The following APBB2 variants were observed in gnomAD, a reference collection of about 807,000 sequenced individuals.
The protein encoded by APBB2 is Fe65-like 1.
Under a neutral mutation model 82.5 loss-of-function variants are expected in APBB2, and 38 were observed. The observed-to-expected ratio is 0.46, with a 90% CI of 0.36 to 0.60. The LOEUF (loss-of-function observed/expected upper bound fraction) is 0.60. Ranked by LOEUF, APBB2 falls within the 20% of genes least tolerant of loss-of-function variation. The pLI is 0.00. For missense variants in APBB2, 772 were observed against 972.3 expected (o/e 0.79, Z 2.74); for synonymous variants, 341 against 368.2 (o/e 0.93, Z 0.85).
rs539954956 is a variant in APBB2 at position 41,111,955 on chromosome 4, A to G, written c.-260-11205T>C. ...AAACCAAATTAAGGGCAGATAGAAA[A>G]AAACCAGCAGGCACTACACTGGAGC... On this transcript the variant is annotated intron_variant, in intron 2 of 17. Coordinates refer to ENST00000508593, the MANE Select transcript of APBB2 (RefSeq NM_004307.2). Among the ~76,000 whole-genome samples, 46 of 152,342 alleles carry G rather than the reference A, an allele frequency of 3.0e-4. No homozygotes were observed. The East Asian group carries it at 7.5e-3, about 25-fold the overall frequency.
At chr4:41,161,328 C>T (rs971409728) in intron 1 of APBB2, among the ~76,000 whole-genome samples, 1 of 152,240 alleles carries the variant, frequency 6.6e-6, no homozygotes, top group East Asian at 1.9e-4. Flanking sequence ...AGCATTCAGC[C>T]GGGCATGGTG....
At chr4:40,863,106 T>A (rs1189384873) in intron 12 of APBB2, among the ~76,000 whole-genome samples, 1 of 152,196 alleles carries the variant, frequency 6.6e-6, no homozygotes, top group Non-Finnish European at 1.5e-5. Context: ...TCTTTCTGTG[T>A]CCCGCACTGC....
intron 4 of APBB2, among the ~76,000 whole-genome samples, chr4:41,055,704 G>C (rs1212976131): frequency 6.6e-6 from 1 of 152,116 alleles, no homozygotes; most frequent in East Asian, 1.9e-4. Flanking sequence ...GAAAGGCCTG[G>C]GTTCAAATCT....
chr4:41,046,386 G>C (rs969864114), intron 4 of APBB2, among the ~76,000 whole-genome samples: 15 of 151,646 alleles, frequency 9.9e-5, no homozygotes, highest in African/African-American at 3.6e-4. Context: ...ATGGAACAAA[G>C]ATAACATCTC....
intron 6 of APBB2, among the ~76,000 whole-genome samples, chr4:41,002,386 G>C (rs1410822838): frequency 6.6e-6 from 1 of 152,208 alleles, no homozygotes; most frequent in Admixed American, 6.5e-5. Context: ...GAAGGCAAGG[G>C]ACTGAGACTA....
intron 6 of APBB2, among the ~76,000 whole-genome samples, chr4:40,958,877 A>T (rs974861400): frequency 1.3e-5 from 2 of 152,174 alleles, no homozygotes; most frequent in East Asian, 3.8e-4. Context: ...AAGTGTTGGG[A>T]TTACAGGCGT....
At chr4:41,199,327 C>A (rs1447983582) in intron 1 of APBB2, among the ~76,000 whole-genome samples, 1 of 152,194 alleles carries the variant, frequency 6.6e-6, no homozygotes, top group Non-Finnish European at 1.5e-5. Flanking sequence ...TTCAAGGTTT[C>A]TCTTTATACA....
At chr4:41,033,130 A>G in intron 5 of APBB2, 106 bp downstream of exon 5, 4 of 824,852 alleles carry the variant, frequency 4.8e-6, no homozygotes, top group Non-Finnish European at 7.9e-6. Flanking sequence ...AAATTAAAAA[A>G]CATGTTATTT....
chr4:41,122,318 C>T (rs773704896), intron 2 of APBB2, among the ~76,000 whole-genome samples: 8 of 152,150 alleles, frequency 5.3e-5, no homozygotes, highest in Non-Finnish European at 7.4e-5. Flanking sequence ...CAATAGTTTT[C>T]CTCCACAATA....
At chr4:41,065,334 A>G (rs952353774) in intron 4 of APBB2, among the ~76,000 whole-genome samples, 1 of 152,204 alleles carries the variant, frequency 6.6e-6, no homozygotes, top group African/African-American at 2.4e-5. Context: ...ACAGAAACAG[A>G]AAAAGGAGAT....
chr4:40,906,464 CAAAAAAAAA>C (rs5857755), intron 10 of APBB2, among the ~76,000 whole-genome samples: 1 of 67,990 alleles, frequency 1.5e-5, no homozygotes, highest in Admixed American at 2.0e-4. Context: ...AAACCTGTCT[CAAAAAAAAA>C]AAAAAAAAAA....
chr4:40,961,097 G>A (rs1399077535), intron 6 of APBB2, among the ~76,000 whole-genome samples: 1 of 152,146 alleles, frequency 6.6e-6, no homozygotes, highest in African/African-American at 2.4e-5. Context: ...GGTCTTTGTA[G>A]GGCAGAGCCA....
chr4:40,956,918 T>C (rs1262643151), intron 6 of APBB2, among the ~76,000 whole-genome samples: 6 of 152,250 alleles, frequency 3.9e-5, no homozygotes, highest in Non-Finnish European at 8.8e-5. Context: ...TAGTCTCTGC[T>C]GGGCTTACTC....
intron 1 of APBB2, among the ~76,000 whole-genome samples, chr4:41,197,741 G>C: frequency 6.6e-6 from 1 of 152,098 alleles, no homozygotes; most frequent in Non-Finnish European, 1.5e-5. Context: ...GATACTCCTA[G>C]GAGATTTAAT....
At chr4:41,203,648 G>A (rs1301769717) in intron 1 of APBB2, among the ~76,000 whole-genome samples, 3 of 152,128 alleles carry the variant, frequency 2.0e-5, no homozygotes, top group Non-Finnish European at 2.9e-5. Flanking sequence ...CCACTAACAA[G>A]AGGGCCCCAA....
intron 2 of APBB2, among the ~76,000 whole-genome samples, chr4:41,104,662 C>T (rs1746565668): frequency 6.6e-6 from 1 of 152,166 alleles, no homozygotes; most frequent in Admixed American, 6.5e-5. Context: ...ACTCTCCTCC[C>T]TCAAGTGGGT....
chr4:40,927,301 G>A (rs1165000749), intron 10 of APBB2, among the ~76,000 whole-genome samples: 2 of 152,150 alleles, frequency 1.3e-5, no homozygotes, highest in East Asian at 1.9e-4. Flanking sequence ...CTGAGACAGA[G>A]ACAGCAGGAT....
At chr4:40,905,565 C>T (rs950336978) in intron 10 of APBB2, among the ~76,000 whole-genome samples, 1 of 152,222 alleles carries the variant, frequency 6.6e-6, no homozygotes, top group African/African-American at 2.4e-5. Flanking sequence ...CAGCTCCTGC[C>T]TGCGAAGTCT....
At chr4:40,926,354 T>C (rs1782600938) in intron 10 of APBB2, among the ~76,000 whole-genome samples, 1 of 152,130 alleles carries the variant, frequency 6.6e-6, no homozygotes, top group Admixed American at 6.5e-5. Context: ...TGGATGAGGG[T>C]GAGAAGGAGT....
Sources: allele counts gnomAD v4.1 joint callset (sites outside exome capture counted in the v4.1 genomes callset), GRCh38; gene constraint gnomAD v4.1.1; transcripts MANE v1.5; gene names NCBI Gene and HGNC (gene_info 2026-07-23, HGNC 2026-07-21).